HDAC9: variants seen among roughly 807,000 people sequenced by gnomAD.
The protein encoded by HDAC9 is MEF-2 interacting transcription repressor (MITR) protein.
Under a neutral mutation model 139.4 loss-of-function variants are expected in HDAC9, and 41 were observed. That is an observed-to-expected ratio of 0.29 (90% CI 0.23 to 0.38). The LOEUF (loss-of-function observed/expected upper bound fraction) is 0.38. HDAC9 is among the 10% of genes least tolerant of loss of function. The probability of loss-of-function intolerance (pLI) is 1.00; values close to 1 mark genes in which losing one functional copy is unlikely to be tolerated. For synonymous variants in HDAC9, 517 were observed against 476.2 expected (o/e 1.09, Z -1.12); for missense variants, 1,147 against 1,297.0 (o/e 0.88, Z 1.78).
chr7:18,586,062 A>G lies in HDAC9; in HGVS notation c.264+540A>G, dbSNP rs532503256. On this transcript the variant is annotated intron_variant, in intron 3 of 25. Transcript: ENST00000686413. ...GTATAATAAAAAGCTTAAGGGAGTT[A>G]TAAATGGAGAAACTGGTGCAAATGT... Among the ~76,000 whole-genome samples, 58 of 152,340 alleles carry G rather than the reference A, an allele frequency of 3.8e-4. 1 individual carries two copies. In the South Asian group the frequency reaches 0.011, roughly 30 times the overall value.
chr7:18,233,333 C>T (rs1308338497), intron 2 of HDAC9, among the ~76,000 whole-genome samples: 1 of 152,004 alleles, frequency 6.6e-6, no homozygotes, highest in Non-Finnish European at 1.5e-5. Flanking sequence ...ATAGAAGAGA[C>T]ATGACAGAAT....
chr7:18,274,203 G>T (rs1432747923), intron 2 of HDAC9, among the ~76,000 whole-genome samples: 1 of 152,094 alleles, frequency 6.6e-6, no homozygotes, highest in Non-Finnish European at 1.5e-5. Context: ...ATTTTGTGTT[G>T]CTCTAACAGA....
intron 2 of HDAC9, among the ~76,000 whole-genome samples, chr7:18,247,467 G>T (rs1252851337): frequency 2.6e-5 from 4 of 152,002 alleles, no homozygotes; most frequent in Non-Finnish European, 5.9e-5. Flanking sequence ...CTGAAGTGAT[G>T]GACAGTTGGC....
At chr7:18,988,015 C>T (rs186986161) in intron 25 of HDAC9, among the ~76,000 whole-genome samples, 1 of 152,278 alleles carries the variant, frequency 6.6e-6, no homozygotes, top group Non-Finnish European at 1.5e-5. Context: ...TTTCAAAAAA[C>T]CAGCTCCTGG....
At chr7:18,262,511 G>A (rs1345380782) in intron 2 of HDAC9, among the ~76,000 whole-genome samples, 1 of 152,140 alleles carries the variant, frequency 6.6e-6, no homozygotes, top group Non-Finnish European at 1.5e-5. Context: ...TGAAATAAAA[G>A]GGTATTAGAT....
intron 4 of HDAC9, among the ~76,000 whole-genome samples, chr7:18,590,811 C>G (rs1224495976): frequency 1.3e-5 from 2 of 152,132 alleles, no homozygotes; most frequent in African/African-American, 4.8e-5. Context: ...ATCCACATCT[C>G]CTGACTATGC....
intron 2 of HDAC9, among the ~76,000 whole-genome samples, chr7:18,497,084 C>A (rs1265974765): frequency 1.3e-5 from 2 of 152,072 alleles, no homozygotes; most frequent in Admixed American, 6.6e-5. Context: ...TCAGCCTTGT[C>A]AATTTATACT....
intron 1 of HDAC9, among the ~76,000 whole-genome samples, chr7:18,479,748 T>C (rs1158676554): frequency 6.6e-6 from 1 of 152,124 alleles, no homozygotes; most frequent in African/African-American, 2.4e-5. Flanking sequence ...TATCTATTAC[T>C]TCTTCAATTC....
chr7:18,899,690 T>C (rs1801523997), intron 22 of HDAC9, among the ~76,000 whole-genome samples: 1 of 151,962 alleles, frequency 6.6e-6, no homozygotes, highest in African/African-American at 2.4e-5. Context: ...TCTATAAGCC[T>C]TGAACTATTC....
At position 18,399,204 on chromosome 7, in the gene HDAC9, G is replaced by A. The variant is rs537953085; in HGVS notation, c.-41-97058G>A. Among the ~76,000 whole-genome samples, 18 of 152,220 alleles carry A rather than the reference G, an allele frequency of 1.2e-4. 1 individual carries two copies. The South Asian group carries it at 3.7e-3, about 32-fold the overall frequency. The stretch of plus-strand genomic sequence containing the variant: ...ATGAAGCTGAAAAATGACTCTGCAG[G>A]TCAGTGGTGTGTGGCAAAGCTAATT... On this transcript the variant is annotated intron_variant, in intron 1 of 3. Transcript: ENST00000413509.
chr7:18,257,442 GA>G (rs1170447763), intron 2 of HDAC9, among the ~76,000 whole-genome samples: 31 of 130,738 alleles, frequency 2.4e-4, no homozygotes, highest in African/African-American at 9.2e-4. Flanking sequence ...CACACAAAAA[GA>G]AAAAAAGAAA....
intron 2 of HDAC9, among the ~76,000 whole-genome samples, chr7:18,538,320 T>G (rs1210718528): frequency 1.3e-5 from 2 of 152,154 alleles, no homozygotes; most frequent in African/African-American, 4.8e-5. Flanking sequence ...CCTTGTGAAA[T>G]AAACATACTA....
At chr7:18,987,435 T>G (rs1785457146) in intron 25 of HDAC9, among the ~76,000 whole-genome samples, 1 of 152,244 alleles carries the variant, frequency 6.6e-6, no homozygotes, top group Non-Finnish European at 1.5e-5. Flanking sequence ...TCATGGTGGA[T>G]AAGCTTTTTG....
chr7:18,181,642 A>G (rs1789438070), intron 2 of HDAC9, among the ~76,000 whole-genome samples: 1 of 152,198 alleles, frequency 6.6e-6, no homozygotes, highest in Non-Finnish European at 1.5e-5. Flanking sequence ...CCACAATTAT[A>G]CAATTTTTGT....
chr7:18,210,864 T>G (rs1409214875), intron 2 of HDAC9, among the ~76,000 whole-genome samples: 1 of 152,214 alleles, frequency 6.6e-6, no homozygotes, highest in African/African-American at 2.4e-5. Context: ...GAGAAGAAAC[T>G]TGGCAACCAT....
intron 13 of HDAC9, among the ~76,000 whole-genome samples, chr7:18,740,712 G>A (rs986537635): frequency 1.3e-5 from 2 of 152,216 alleles, no homozygotes; most frequent in Admixed American, 1.3e-4. Context: ...AAATGATTAA[G>A]CTTAGTGAGG....
chr7:18,172,185 G>A (rs1247106442), intron 2 of HDAC9, among the ~76,000 whole-genome samples: 1 of 152,124 alleles, frequency 6.6e-6, no homozygotes, highest in Non-Finnish European at 1.5e-5. Flanking sequence ...GGGTGTATGT[G>A]TCTAGGAATT....
chr7:18,773,835 G>A (rs1025241592), intron 16 of HDAC9, among the ~76,000 whole-genome samples: 15 of 151,950 alleles, frequency 9.9e-5, no homozygotes, highest in Admixed American at 2.6e-4. Context: ...TTTCCACTCC[G>A]AATAGTTAGT....
chr7:18,622,775 A>G (rs1303457070), intron 6 of HDAC9, among the ~76,000 whole-genome samples: 3 of 152,148 alleles, frequency 2.0e-5, no homozygotes, highest in Non-Finnish European at 2.9e-5. Context: ...AAGAACTTCT[A>G]CATACCACAC....
Sources: allele counts gnomAD v4.1 joint callset (sites outside exome capture counted in the v4.1 genomes callset), GRCh38; gene constraint gnomAD v4.1.1; transcripts MANE v1.5; gene names NCBI Gene and HGNC (gene_info 2026-07-23, HGNC 2026-07-21).